LRRTM4: variants seen among roughly 807,000 people sequenced by gnomAD.
LRRTM4 encodes leucine-rich repeat transmembrane neuronal protein 4.
Under a neutral mutation model 47.6 loss-of-function variants are expected in LRRTM4, and 25 were observed. The ratio of observed to expected loss-of-function variants is 0.53; its 90% CI spans 0.38 to 0.73. The LOEUF (loss-of-function observed/expected upper bound fraction) is 0.73, where lower values mean the gene tolerates loss of function less well. Ranked by LOEUF, LRRTM4 falls within the 30% of genes least tolerant of loss-of-function variation. The probability of loss-of-function intolerance (pLI) is 0.00; values close to 1 mark genes in which losing one functional copy is unlikely to be tolerated. For missense variants in LRRTM4, 638 were observed against 713.4 expected (o/e 0.89, Z 1.20); for synonymous variants, 311 against 269.5 (o/e 1.15, Z -1.51).
chr2:76,883,835 C>T (rs1465994186), intron 3 of LRRTM4, among the ~76,000 whole-genome samples: 1 of 152,110 alleles, frequency 6.6e-6, no homozygotes, highest in Admixed American at 6.6e-5. Flanking sequence ...GTCTTTTATA[C>T]TGCTCTTAAC....
intron 3 of LRRTM4, among the ~76,000 whole-genome samples, chr2:76,812,776 C>CCCCCCTCCTCTCCCCCCCCCCTT (rs146074054): frequency 1.2e-5 from 1 of 85,636 alleles, no homozygotes; most frequent in Non-Finnish European, 2.1e-5. Context: ...CTCTCCCTCC[C>CCCCCCTCCTCTCCCCCCCCCCTT]CCTCCTCCTC....
chr2:77,492,306 C>A (rs1678198847), intron 3 of LRRTM4, among the ~76,000 whole-genome samples: 1 of 152,098 alleles, frequency 6.6e-6, no homozygotes, highest in East Asian at 1.9e-4. Context: ...GTCACTCGGG[C>A]TGGAGTGCCG....
chr2:76,901,477 ACAG>A (rs1327566811), intron 3 of LRRTM4, among the ~76,000 whole-genome samples: 5 of 144,324 alleles, frequency 3.5e-5, no homozygotes, highest in African/African-American at 1.4e-4. Flanking sequence ...TGTGACTTAG[ACAG>A]AAAAAAGGGA....
At chr2:77,397,129 C>T (rs1185638255) in intron 3 of LRRTM4, among the ~76,000 whole-genome samples, 1 of 151,952 alleles carries the variant, frequency 6.6e-6, no homozygotes, top group Admixed American at 6.6e-5. Context: ...TTTCTTTTTA[C>T]ATGCATTGCC....
chr2:77,405,488 A>G (rs1296936394), intron 3 of LRRTM4, among the ~76,000 whole-genome samples: 1 of 152,084 alleles, frequency 6.6e-6, no homozygotes, highest in Non-Finnish European at 1.5e-5. Context: ...TAAAACAAGG[A>G]GAAGCTTCTT....
chr2:77,426,746 CTTTT>C (rs1232763068), intron 3 of LRRTM4, among the ~76,000 whole-genome samples: 1 of 151,974 alleles, frequency 6.6e-6, no homozygotes. Context: ...CTGTCTCTCT[CTTTT>C]TCTCTCTCTC....
At chr2:77,371,227 A>C (rs886103698) in intron 3 of LRRTM4, among the ~76,000 whole-genome samples, 2 of 151,878 alleles carry the variant, frequency 1.3e-5, no homozygotes, top group African/African-American at 2.4e-5. Flanking sequence ...CAGGAAAGTA[A>C]AATTCTAAAA....
At chr2:76,764,899 T>C (rs1220340976) in intron 3 of LRRTM4, among the ~76,000 whole-genome samples, 1 of 152,146 alleles carries the variant, frequency 6.6e-6, no homozygotes, top group Admixed American at 6.5e-5. Context: ...TGATTGCTCC[T>C]TGGTTTCAAC....
intron 3 of LRRTM4, among the ~76,000 whole-genome samples, chr2:77,299,975 C>T (rs1425396081): frequency 6.6e-6 from 1 of 151,246 alleles, no homozygotes; most frequent in Non-Finnish European, 1.5e-5. Flanking sequence ...CCTCAGCCTG[C>T]GGAGTAACTG....
chr2:77,339,934 T>C (rs559777206), intron 3 of LRRTM4, among the ~76,000 whole-genome samples: 1 of 152,036 alleles, frequency 6.6e-6, no homozygotes, highest in African/African-American at 2.4e-5. Context: ...CGTTGACAAC[T>C]GAGACCAAGA....
At chr2:77,448,044 A>G (rs1160087425) in intron 3 of LRRTM4, among the ~76,000 whole-genome samples, 1 of 152,224 alleles carries the variant, frequency 6.6e-6, no homozygotes, top group East Asian at 1.9e-4. Context: ...AAAAAGAGAA[A>G]GGTGCAAAAG....
chr2:76,798,857 T>G (rs1014462436), intron 3 of LRRTM4, among the ~76,000 whole-genome samples: 86 of 152,228 alleles, frequency 5.6e-4, no homozygotes, highest in Non-Finnish European at 1.1e-3. Flanking sequence ...CTACAAGAAA[T>G]GGATACATTC....
intron 3 of LRRTM4, among the ~76,000 whole-genome samples, chr2:76,767,156 A>T (rs550063814): frequency 6.6e-6 from 1 of 152,270 alleles, no homozygotes; most frequent in East Asian, 1.9e-4. Context: ...TTCTCTTTTT[A>T]TTCAAAGTTT....
intron 3 of LRRTM4, among the ~76,000 whole-genome samples, chr2:77,111,581 T>A (rs1671250804): frequency 6.6e-6 from 1 of 152,128 alleles, no homozygotes; most frequent in Non-Finnish European, 1.5e-5. Context: ...TCTCTCTCAC[T>A]CCTGTGCTGT....
chr2:77,205,214 C>T (rs1388439904), intron 3 of LRRTM4, among the ~76,000 whole-genome samples: 1 of 152,134 alleles, frequency 6.6e-6, no homozygotes, highest in Non-Finnish European at 1.5e-5. Context: ...ATGATAAATA[C>T]AGCTTTGTTT....
At chr2:77,187,433 A>C (rs1673542223) in intron 3 of LRRTM4, among the ~76,000 whole-genome samples, 2 of 139,274 alleles carry the variant, frequency 1.4e-5, no homozygotes, top group Non-Finnish European at 1.5e-5. Context: ...ATGAGAACAC[A>C]TGGACACAGG....
chr2:76,910,554 T>C (rs1443173569), intron 3 of LRRTM4, among the ~76,000 whole-genome samples: 2 of 152,212 alleles, frequency 1.3e-5, no homozygotes, highest in African/African-American at 2.4e-5. Context: ...GAAATATTTG[T>C]TTCTCATTAT....
chr2:76,872,907 C>G (rs142296037), intron 3 of LRRTM4, among the ~76,000 whole-genome samples: 66 of 152,244 alleles, frequency 4.3e-4, no homozygotes, highest in African/African-American at 1.4e-3. Flanking sequence ...CTTGCTCCCT[C>G]TCTTGCCAAA....
chr2:76,947,510 TTG>T (rs986324222), intron 3 of LRRTM4, among the ~76,000 whole-genome samples: 2 of 151,894 alleles, frequency 1.3e-5, no homozygotes, highest in African/African-American at 4.8e-5. Flanking sequence ...AATAAAATAT[TTG>T]TGTTATTTAG....
Sources: allele counts gnomAD v4.1 joint callset (sites outside exome capture counted in the v4.1 genomes callset), GRCh38; gene constraint gnomAD v4.1.1; transcripts MANE v1.5; gene names NCBI Gene and HGNC (gene_info 2026-07-23, HGNC 2026-07-21).